ATP6V1C2: variants seen among roughly 807,000 people sequenced by gnomAD.
The protein encoded by ATP6V1C2 is V-type proton ATPase subunit C 2.
A neutral mutation model predicts 56.8 loss-of-function variants in ATP6V1C2; 45 were observed. That is an observed-to-expected ratio of 0.79 (90% CI 0.62 to 1.02). The LOEUF (loss-of-function observed/expected upper bound fraction) is 1.02. Among genes scored for constraint, ATP6V1C2 ranks in the 50% least tolerant of loss-of-function variants. The pLI is 0.00. For synonymous variants in ATP6V1C2, 220 were observed against 201.3 expected (o/e 1.09, Z -0.79); for missense variants, 463 against 519.7 (o/e 0.89, Z 1.06).
intron 5 of ATP6V1C2, among the ~76,000 whole-genome samples, chr2:10,766,099 C>G (rs943040655): frequency 6.6e-6 from 1 of 152,130 alleles, no homozygotes; most frequent in Non-Finnish European, 1.5e-5. Flanking sequence ...AGTATTATGC[C>G]GGGATGGGGA....
At chr2:10,728,453 A>G (rs912549708) in intron 3 of ATP6V1C2, among the ~76,000 whole-genome samples, 4 of 152,200 alleles carry the variant, frequency 2.6e-5, no homozygotes, top group Admixed American at 1.3e-4. Context: ...AACGTATCTT[A>G]GAGGTAGTTT....
At chr2:10,756,100 T>A (rs1030896772) in intron 4 of ATP6V1C2, among the ~76,000 whole-genome samples, 1 of 152,220 alleles carries the variant, frequency 6.6e-6, no homozygotes, top group African/African-American at 2.4e-5. Flanking sequence ...CTCACGCCTG[T>A]AATCCCATCA....
At chr2:10,757,293 G>T (rs561959130) in intron 4 of ATP6V1C2, 1 of 381,322 alleles carries the variant, frequency 2.6e-6, no homozygotes, top group Non-Finnish European at 4.6e-6. Context: ...GATTACAGGC[G>T]TGAGCCACCG....
In ATP6V1C2 at chr2:10,731,688, A is replaced by C. The variant is rs577898220; in HGVS notation, c.197+5119A>C. 9.2e-5 allele frequency among the ~76,000 whole-genome samples: 14 copies of C among 152,256 alleles called. No individual in the cohort carries two copies. The South Asian group carries it at 1.4e-3, about 16-fold the overall frequency. On this transcript the variant is annotated intron_variant, in intron 3 of 13. Transcript: ENST00000272238. ...AGGAAGGTTGGCTTAAGAAATGTGA[A>C]CTGGGCCAAGCGCAGTAGCTCATGC...
chr2:10,784,304 T>C lies in ATP6V1C2; in HGVS notation c.*1041T>C, dbSNP rs1665587297. ...GTCATCAAGCTCCACATCACTGAGG[T>C]CAATGTCATCCTCCACGGGAAGCTG... is the stretch of plus-strand genomic sequence containing the variant. On this transcript the variant is annotated 3_prime_UTR_variant, in exon 14 of 14. Transcript: ENST00000272238. 1 of 1,612,968 alleles carries C rather than the reference T, an allele frequency of 6.2e-7. No homozygotes were observed. The highest frequency in any genetic ancestry group is 8.5e-7 in the Non-Finnish European group (1 of 1,179,722).
chr2:10,732,012 G>T (rs1274627215), intron 3 of ATP6V1C2, among the ~76,000 whole-genome samples: 2 of 151,888 alleles, frequency 1.3e-5, no homozygotes, highest in African/African-American at 4.8e-5. Context: ...AGTGTGAATA[G>T]TTCCCTACCT....
intron 3 of ATP6V1C2, among the ~76,000 whole-genome samples, chr2:10,733,426 A>C (rs1006433180): frequency 6.6e-6 from 1 of 152,182 alleles, no homozygotes; most frequent in Non-Finnish European, 1.5e-5. Context: ...GAGAAGGCAC[A>C]AGCGTTTTCA....
intron 3 of ATP6V1C2, among the ~76,000 whole-genome samples, chr2:10,733,867 C>G (rs1367466650): frequency 6.6e-6 from 1 of 152,178 alleles, no homozygotes; most frequent in Admixed American, 6.6e-5. Flanking sequence ...TATGGAATAG[C>G]TGCTGGCTTC....
At chr2:10,755,791 T>C (rs762808536) in intron 4 of ATP6V1C2, among the ~76,000 whole-genome samples, 1 of 152,186 alleles carries the variant, frequency 6.6e-6, no homozygotes, top group East Asian at 1.9e-4. Context: ...CAGGCTTCAA[T>C]TGCCGTCCAG....
At chr2:10,745,577 G>A (rs1662864668) in intron 3 of ATP6V1C2, among the ~76,000 whole-genome samples, 1 of 152,104 alleles carries the variant, frequency 6.6e-6, no homozygotes, top group Admixed American at 6.5e-5. Flanking sequence ...CTGATCTCAA[G>A]TGATCCACCT....
At chr2:10,773,425 C>T in intron 8 of ATP6V1C2, among the ~76,000 whole-genome samples, 1 of 152,178 alleles carries the variant, frequency 6.6e-6, no homozygotes, top group East Asian at 1.9e-4. Context: ...CTCTGTTGCC[C>T]AGGCTGGAGT....
At chr2:10,748,129 C>G (rs942983399) in intron 3 of ATP6V1C2, among the ~76,000 whole-genome samples, 13 of 152,166 alleles carry the variant, frequency 8.5e-5, no homozygotes, top group African/African-American at 3.1e-4. Flanking sequence ...AACTCCTGAC[C>G]TCGTGGTCCA....
At chr2:10,734,234 C>T (rs1005199245) in intron 3 of ATP6V1C2, among the ~76,000 whole-genome samples, 2 of 152,096 alleles carry the variant, frequency 1.3e-5, no homozygotes, top group Non-Finnish European at 2.9e-5. Flanking sequence ...CACCCCTCCT[C>T]CTCCCATCTG....
At chr2:10,761,925 G>A (rs773592476) in intron 4 of ATP6V1C2, among the ~76,000 whole-genome samples, 26 of 152,234 alleles carry the variant, frequency 1.7e-4, no homozygotes, top group Non-Finnish European at 4.4e-5. Context: ...GAAGGTGTCT[G>A]AGTTTGGTTG....
At chr2:10,756,224 G>T (rs1663545165) in intron 4 of ATP6V1C2, among the ~76,000 whole-genome samples, 1 of 152,108 alleles carries the variant, frequency 6.6e-6, no homozygotes, top group Non-Finnish European at 1.5e-5. Context: ...GCTGGGCGTA[G>T]TGGTGCACAC....
chr2:10,780,518 CAA>C lies in ATP6V1C2; in HGVS notation c.1062-1722_1062-1721del, dbSNP rs1431864225. 2.0e-5 allele frequency among the ~76,000 whole-genome samples: 3 copies of C among 152,206 alleles called. No individual in the cohort carries two copies. Among genetic ancestry groups the C allele is most frequent in the Non-Finnish European group, 4.4e-5 (3 of 68,032 alleles). On this transcript the variant is annotated intron_variant, in intron 12 of 13. Coordinates refer to ENST00000272238, the MANE Select transcript of ATP6V1C2 (RefSeq NM_001039362.2). This position sits in a 1 kb window ranked among gnomAD's most constrained non-coding sequence, Gnocchi z 4.1. ...CATGCGCACCTGTGCACGCCCATCT[CAA>C]AAGCCTGTACCGACACGGATGGCAG... is the stretch of plus-strand genomic sequence containing the variant.
Position 10,758,174 on chromosome 2 carries a change from A to C in ATP6V1C2, c.283+4108A>C, listed in dbSNP as rs555291789. ...GGTCACTCCTCGGGCCCGGGACTGC[A>C]AGGCTGACTTCAGGTAGAGAACTAC... On this transcript the variant is annotated intron_variant, in intron 4 of 13. Transcript: ENST00000272238. 9.2e-5 allele frequency among the ~76,000 whole-genome samples: 14 copies of C among 152,316 alleles called. No homozygotes were observed. The South Asian group carries it at 2.7e-3, about 29-fold the overall frequency.
rs569370820 is a variant in ATP6V1C2 at position 10,763,648 on chromosome 2, G to A, written c.284-683G>A. On this transcript the variant is annotated intron_variant, in intron 4 of 13. Transcript: ENST00000272238. This position sits in a 1 kb window ranked among gnomAD's most constrained non-coding sequence, Gnocchi z 4.2. ...CGCTGCAGCTTCCAGGGAATTTCCC[G>A]CTCTTCCATAGACCCGGCGTATTAA... 5.5e-4 allele frequency among the ~76,000 whole-genome samples: 84 copies of A among 152,322 alleles called. 1 individual carries two copies. The highest frequency in any genetic ancestry group is 1.9e-3 in the African/African-American group (79 of 41,570).
At chr2:10,781,992 A>G (rs1460975915) in intron 12 of ATP6V1C2, among the ~76,000 whole-genome samples, 1 of 152,226 alleles carries the variant, frequency 6.6e-6, no homozygotes, top group Non-Finnish European at 1.5e-5. Flanking sequence ...TGGAATGGCC[A>G]TTCATGGCCA....
Sources: gnomAD v4.1 joint callset for allele counts (sites outside exome capture counted in the v4.1 genomes callset) on GRCh38, gnomAD v4.1.1 for gene constraint, Gnocchi (gnomAD v3.1) non-coding constraint, MANE v1.5 for transcripts, NCBI Gene and HGNC (gene_info 2026-07-23, HGNC 2026-07-21) for gene names.